Variants in CSMD3 observed in about 807,000 individuals in gnomAD.
CSMD3 encodes CUB and sushi domain-containing protein 3.
A neutral mutation model predicts 435.2 loss-of-function variants in CSMD3; 177 were observed. That is an observed-to-expected ratio of 0.41 (90% CI 0.36 to 0.46). The LOEUF is 0.46. Among genes scored for constraint, CSMD3 ranks in the 20% least tolerant of loss-of-function variants. The probability of loss-of-function intolerance (pLI) is 0.34; values close to 1 mark genes in which losing one functional copy is unlikely to be tolerated. For synonymous variants in CSMD3, 1,656 were observed against 1,520.5 expected (o/e 1.09, Z -2.07); for missense variants, 4,265 against 4,504.6 (o/e 0.95, Z 1.52).
chr8:113,418,564 C>T (rs552735006), intron 1 of CSMD3, among the ~76,000 whole-genome samples: 23 of 152,144 alleles, frequency 1.5e-4, no homozygotes, highest in African/African-American at 1.7e-4. Flanking sequence ...GCAAAATAAA[C>T]GGGCATACAC....
chr8:113,127,393 C>A (rs1319698782), intron 4 of CSMD3, among the ~76,000 whole-genome samples: 1 of 152,058 alleles, frequency 6.6e-6, no homozygotes, highest in South Asian at 2.1e-4. Flanking sequence ...GCCATCCTTG[C>A]ATGTAACATT....
At chr8:113,035,016 TTTA>T (rs1276060676) in intron 5 of CSMD3, among the ~76,000 whole-genome samples, 1 of 151,928 alleles carries the variant, frequency 6.6e-6, no homozygotes, top group Non-Finnish European at 1.5e-5. Context: ...TAGAAAAACT[TTTA>T]TAGAGTATTA....
chr8:113,379,686 T>C (rs1450394859), intron 1 of CSMD3, among the ~76,000 whole-genome samples: 1 of 152,236 alleles, frequency 6.6e-6, no homozygotes, highest in African/African-American at 2.4e-5. Flanking sequence ...AATTACATTT[T>C]ATTTTACTTG....
chr8:112,902,417 G>A (rs899237497), intron 10 of CSMD3, among the ~76,000 whole-genome samples: 4 of 151,240 alleles, frequency 2.6e-5, no homozygotes, highest in African/African-American at 9.7e-5. Context: ...AGTCCCAAGG[G>A]CATCTCAGCT....
chr8:113,046,120 C>T (rs1340969517), intron 5 of CSMD3, among the ~76,000 whole-genome samples: 2 of 149,128 alleles, frequency 1.3e-5, no homozygotes, highest in Admixed American at 1.3e-4. Flanking sequence ...GCCTGGCAAG[C>T]GCTTCCACTA....
intron 12 of CSMD3, among the ~76,000 whole-genome samples, chr8:112,823,645 C>G (rs944001791): frequency 2.0e-5 from 3 of 152,182 alleles, no homozygotes; most frequent in Admixed American, 2.0e-4. Context: ...GTGAATTTCT[C>G]AATCCCAACT....
intron 7 of CSMD3, among the ~76,000 whole-genome samples, chr8:112,969,138 T>C (rs559977352): frequency 3.3e-4 from 50 of 152,140 alleles, no homozygotes; most frequent in African/African-American, 1.1e-3. Context: ...ATTTGTGACA[T>C]AGTAATCTTC....
At chr8:112,951,981 A>T (rs1414075394) in intron 8 of CSMD3, among the ~76,000 whole-genome samples, 1 of 151,874 alleles carries the variant, frequency 6.6e-6, no homozygotes, top group East Asian at 1.9e-4. Flanking sequence ...ATTCTAGAGG[A>T]GCCTACTAAA....
rs1587443861 is a variant in CSMD3 at position 112,839,191 on chromosome 8, T to G, written c.1756-9402A>C. Among the ~76,000 whole-genome samples the G allele has an allele frequency of 2.0e-5, 3 of 151,646 alleles. No individual in the cohort carries two copies. The East Asian group carries it at 5.8e-4, about 29-fold the overall frequency. On this transcript the variant is annotated intron_variant, in intron 11 of 70. Coordinates refer to ENST00000297405, the MANE Select transcript of CSMD3 (RefSeq NM_198123.2). ...AAGGGCTCATATTTTAGAGATGGGG[T>G]GGAGGAGAGTCTGGGGACACTGAGA...
intron 9 of CSMD3, among the ~76,000 whole-genome samples, chr8:112,938,411 TTTTTA>T (rs2083351313): frequency 6.6e-6 from 1 of 152,212 alleles, no homozygotes; most frequent in South Asian, 2.1e-4. Flanking sequence ...TGTCTCTACA[TTTTTA>T]TTTTGACTTT....
At chr8:113,204,059 T>C (rs895872230) in intron 3 of CSMD3, among the ~76,000 whole-genome samples, 1 of 152,176 alleles carries the variant, frequency 6.6e-6, no homozygotes, top group Non-Finnish European at 1.5e-5. Context: ...CATAATTTTC[T>C]GTCGTAATAT....
At chr8:112,611,271 TA>T in intron 22 of CSMD3, among the ~76,000 whole-genome samples, 1 of 152,168 alleles carries the variant, frequency 6.6e-6, no homozygotes. Context: ...TCCAGGTCAG[TA>T]AGGTACATCT....
rs548555522 is a variant in CSMD3 at position 113,392,289 on chromosome 8, TC to T, written c.178+44387del. 2.5e-3 allele frequency among the ~76,000 whole-genome samples: 384 copies of T among 152,128 alleles called. 3 individuals carry two copies. The highest frequency in any genetic ancestry group is 4.3e-3 in the Non-Finnish European group (294 of 67,960). Reference sequence around the variant, plus strand: ...AATCAATAAAGTGTGCTGATGCATTTCCCCTCTGTTGCTTAGGAGTTGACAG... The same window carrying T: ...AATCAATAAAGTGTGCTGATGCATTTCCCTCTGTTGCTTAGGAGTTGACAG... On this transcript the variant is annotated intron_variant, in intron 1 of 70. Transcript: ENST00000297405.
intron 13 of CSMD3, among the ~76,000 whole-genome samples, chr8:112,796,255 T>C (rs2078826866): frequency 6.6e-6 from 1 of 152,120 alleles, no homozygotes; most frequent in Non-Finnish European, 1.5e-5. Flanking sequence ...AATATGATTA[T>C]GATTAACCAT....
At chr8:112,738,560 T>C (rs1042098089) in intron 13 of CSMD3, among the ~76,000 whole-genome samples, 2 of 151,700 alleles carry the variant, frequency 1.3e-5, no homozygotes, top group African/African-American at 2.4e-5. Flanking sequence ...TTCAAAGATT[T>C]GAGAGACCCT....
At chr8:112,946,039 T>C (rs2083600851) in intron 9 of CSMD3, among the ~76,000 whole-genome samples, 1 of 151,854 alleles carries the variant, frequency 6.6e-6, no homozygotes, top group Admixed American at 6.6e-5. Flanking sequence ...ACTGAATGGC[T>C]TGAAATCTAC....
chr8:112,239,757 T>C (rs1404191415), intron 66 of CSMD3, among the ~76,000 whole-genome samples: 2 of 152,126 alleles, frequency 1.3e-5, no homozygotes, highest in African/African-American at 4.8e-5. Flanking sequence ...CTACTCTCTA[T>C]GTAGTTATGC....
intron 40 of CSMD3, among the ~76,000 whole-genome samples, chr8:112,348,780 A>G (rs1230545547): frequency 6.6e-6 from 1 of 152,102 alleles, no homozygotes. Flanking sequence ...AATTTAGTTT[A>G]TAATATAAAT....
chr8:112,415,270 C>T (rs1306778907), intron 32 of CSMD3, among the ~76,000 whole-genome samples: 3 of 152,248 alleles, frequency 2.0e-5, no homozygotes, highest in African/African-American at 7.2e-5. Context: ...TCGGCTCTAG[C>T]TGTGGCTAAA....
Sources: allele counts gnomAD v4.1 joint callset (sites outside exome capture counted in the v4.1 genomes callset), GRCh38; gene constraint gnomAD v4.1.1; transcripts MANE v1.5; gene names NCBI Gene and HGNC (gene_info 2026-07-23, HGNC 2026-07-21).